The following NCOA1 variants were observed in gnomAD, a reference collection of about 807,000 sequenced individuals.
The protein encoded by NCOA1 is nuclear receptor coactivator 1.
A neutral mutation model predicts 150.9 loss-of-function variants in NCOA1; 35 were observed. The ratio of observed to expected loss-of-function variants is 0.23; its 90% CI spans 0.18 to 0.31. The LOEUF is 0.31. Ranked by LOEUF, NCOA1 falls within the 10% of genes least tolerant of loss-of-function variation. The pLI, the probability that NCOA1 is intolerant of heterozygous loss-of-function variation, is 1.00. For missense variants in NCOA1, 1,491 were observed against 1,749.3 expected, an observed-to-expected ratio of 0.85 and a Z score of 2.63; for synonymous variants, 590 against 630.0, an observed-to-expected ratio of 0.94 and a Z score of 0.95.
At chr2:24,557,511 C>CTCCTCT (rs1486701475) in intron 1 of NCOA1, among the ~76,000 whole-genome samples, 4 of 151,678 alleles carry the variant, frequency 2.6e-5, no homozygotes, top group Non-Finnish European at 5.9e-5. Flanking sequence ...CCTGCTCCTC[C>CTCCTCT]TCCTCTTCTT....
Position 24,768,679 on chromosome 2 carries a change from A to C in NCOA1, c.*288A>C. On this transcript the variant is annotated 3_prime_UTR_variant, in exon 23 of 23. Coordinates refer to ENST00000348332, the MANE Select transcript of NCOA1 (RefSeq NM_003743.5). ...CAAATTTAATTATTCTTATTTTTGTAATCAGTCATTGGCTTCTTATCTGGA... is the reference window on the plus strand; with the variant it reads ...CAAATTTAATTATTCTTATTTTTGTCATCAGTCATTGGCTTCTTATCTGGA... The C allele has an allele frequency of 4.0e-6, 1 of 249,654 alleles. No individual in the cohort carries two copies. Among genetic ancestry groups the C allele is most frequent in the Non-Finnish European group, 7.7e-6 (1 of 129,796 alleles). 15.5% of individuals were successfully genotyped at this position (249,654 alleles called of 1,614,324 possible). A position where few individuals can be genotyped will look rare whatever the true frequency, so the allele number is the denominator to read the frequency against.
chr2:24,756,819 AT>A (rs1290064480), intron 20 of NCOA1, among the ~76,000 whole-genome samples: 1 of 152,220 alleles, frequency 6.6e-6, no homozygotes, highest in Non-Finnish European at 1.5e-5. Flanking sequence ...ATTGCTTACT[AT>A]TCTACTTCCT....
chr2:24,668,625 A>G (rs1332086990), intron 6 of NCOA1, among the ~76,000 whole-genome samples: 3 of 152,142 alleles, frequency 2.0e-5, no homozygotes, highest in African/African-American at 7.2e-5. Context: ...TCTCTATCCA[A>G]TCCAAGATAG....
At chr2:24,613,121 G>A (rs1003213162) in intron 3 of NCOA1, among the ~76,000 whole-genome samples, 1 of 151,842 alleles carries the variant, frequency 6.6e-6, no homozygotes, top group Non-Finnish European at 1.5e-5. Context: ...CAACTCCCTA[G>A]GGGATATGAT....
chr2:24,687,244 A>C (rs1477186044), intron 8 of NCOA1, among the ~76,000 whole-genome samples: 1 of 152,126 alleles, frequency 6.6e-6, no homozygotes, highest in African/African-American at 2.4e-5. Flanking sequence ...TTCTAGTAAC[A>C]TTCCGCAAGT....
intron 20 of NCOA1, among the ~76,000 whole-genome samples, chr2:24,755,799 T>G (rs1664468148): frequency 6.6e-6 from 1 of 152,184 alleles, no homozygotes; most frequent in East Asian, 1.9e-4. Context: ...AGCTCTAAAT[T>G]TTTTTCAATA....
chr2:24,715,057 AACTT>A (rs1172787837), intron 14 of NCOA1, among the ~76,000 whole-genome samples: 1 of 152,092 alleles, frequency 6.6e-6, no homozygotes, highest in Non-Finnish European at 1.5e-5. Flanking sequence ...GAAAACAACT[AACTT>A]TCTGTATCCA....
chr2:24,537,585 G>A (rs543560867), intron 1 of NCOA1, among the ~76,000 whole-genome samples: 1 of 152,040 alleles, frequency 6.6e-6, no homozygotes, highest in South Asian at 2.1e-4. Context: ...GGGGAGAAAG[G>A]TGAGGAAATG....
chr2:24,494,324 C>T (rs921324687), intron 1 of NCOA1, among the ~76,000 whole-genome samples: 3 of 152,170 alleles, frequency 2.0e-5, no homozygotes, highest in South Asian at 4.1e-4. Flanking sequence ...ATTTCATATA[C>T]CTCCTCTTAG....
At chr2:24,525,072 G>A (rs1664592892) in intron 1 of NCOA1, among the ~76,000 whole-genome samples, 2 of 152,340 alleles carry the variant, frequency 1.3e-5, no homozygotes, top group South Asian at 4.1e-4. Context: ...GTGAAATTAG[G>A]GGAGAGGAGC....
At chr2:24,760,456 C>G (rs1664737204) in intron 21 of NCOA1, among the ~76,000 whole-genome samples, 1 of 151,956 alleles carries the variant, frequency 6.6e-6, no homozygotes, top group African/African-American at 2.4e-5. Flanking sequence ...CGCGCCCGGC[C>G]TTGGCTTTAA....
chr2:24,666,542 A>G (rs1234122242), intron 6 of NCOA1, among the ~76,000 whole-genome samples: 3 of 152,142 alleles, frequency 2.0e-5, no homozygotes, highest in African/African-American at 7.2e-5. Flanking sequence ...AGGCCCTAGC[A>G]TAGAGTTCTT....
chr2:24,543,401 C>T (rs1457885006), intron 1 of NCOA1, among the ~76,000 whole-genome samples: 1 of 152,158 alleles, frequency 6.6e-6, no homozygotes, highest in Non-Finnish European at 1.5e-5. Flanking sequence ...AAACACCTTC[C>T]ACCAGGCCCT....
intron 8 of NCOA1, among the ~76,000 whole-genome samples, chr2:24,688,472 GT>G (rs1441511459): frequency 1.3e-5 from 2 of 152,264 alleles, no homozygotes; most frequent in African/African-American, 4.8e-5. Context: ...GTATCTCATT[GT>G]GGTTTTGATG....
chr2:24,506,888 C>T (rs1273656040), intron 1 of NCOA1, among the ~76,000 whole-genome samples: 1 of 152,120 alleles, frequency 6.6e-6, no homozygotes, highest in African/African-American at 2.4e-5. Context: ...TTGTTTTAGA[C>T]TGGGATAGAA....
At chr2:24,522,489 TG>T (rs1021366299) in intron 1 of NCOA1, among the ~76,000 whole-genome samples, 1 of 152,162 alleles carries the variant, frequency 6.6e-6, no homozygotes, top group Non-Finnish European at 1.5e-5. Context: ...ATTATTATAA[TG>T]GTATCTGATA....
At chr2:24,565,699 C>G (rs1028786283) in intron 2 of NCOA1, among the ~76,000 whole-genome samples, 1 of 152,182 alleles carries the variant, frequency 6.6e-6, no homozygotes, top group African/African-American at 2.4e-5. Context: ...GGCCTGGATC[C>G]CATGCCTGCC....
At chr2:24,668,004 G>A (rs889945882) in intron 6 of NCOA1, among the ~76,000 whole-genome samples, 2 of 152,190 alleles carry the variant, frequency 1.3e-5, no homozygotes, top group South Asian at 2.1e-4. Context: ...AGAGTTCCAC[G>A]AGGGCAAGCG....
chr2:24,539,520 G>A (rs905889419), intron 1 of NCOA1, among the ~76,000 whole-genome samples: 1 of 152,192 alleles, frequency 6.6e-6, no homozygotes, highest in African/African-American at 2.4e-5. Flanking sequence ...GGCATTTAGA[G>A]TCTGTCTATA....
Sources: gnomAD v4.1 joint callset for allele counts (sites outside exome capture counted in the v4.1 genomes callset) on GRCh38, gnomAD v4.1.1 for gene constraint, MANE v1.5 for transcripts, NCBI Gene and HGNC (gene_info 2026-07-23, HGNC 2026-07-21) for gene names.